Variants in TMEM14B observed in about 807,000 individuals in gnomAD.
The protein encoded by TMEM14B is transmembrane protein 14B.
Under a neutral mutation model 14.8 loss-of-function variants are expected in TMEM14B, and 9 were observed. That is an observed-to-expected ratio of 0.61 (90% CI 0.37 to 1.06). The LOEUF (loss-of-function observed/expected upper bound fraction) is 1.06. Ranked by LOEUF, TMEM14B falls within the 50% of genes least tolerant of loss-of-function variation. TMEM14B has a pLI of 0.01. For synonymous variants in TMEM14B, 40 were observed against 51.3 expected (o/e 0.78, Z 0.94); for missense variants, 128 against 143.6 (o/e 0.89, Z 0.56).
chr6:10,755,030 A>C (rs1771750712), intron 4 of TMEM14B, 112 bp from the exon 5 acceptor site: 1 of 1,134,832 alleles, frequency 8.8e-7, no homozygotes, highest in Non-Finnish European at 1.3e-6. Flanking sequence ...GGGAAGGAGG[A>C]ATAAGCATAG....
rs746535310 is a variant in TMEM14B, at chr6:10,751,171, A to G, written c.139A>G (p.Ser47Gly). Residue 47 changes from serine (S) to glycine (G), a missense_variant, in exon 4 of 6, where the codon AGT (serine) becomes GGT (glycine). Transcript: ENST00000379542. ...CCTGGCTGCAGGGCTGCTCTTCGGC[A>G]GTCTAGCCGGCCTGGGTGCTTACCA... ...PSLAAGLLFG[S>G]LAGLGAYQLY... 1.9e-6 allele frequency: 3 copies of G among 1,613,970 alleles called. No individual in the cohort carries two copies. The highest frequency in any genetic ancestry group is 2.2e-5 in the East Asian group (1 of 44,870).
At chr6:10,752,517 C>G (rs972561552) in intron 4 of TMEM14B, among the ~76,000 whole-genome samples, 1 of 135,284 alleles carries the variant, frequency 7.4e-6, no homozygotes, top group Non-Finnish European at 1.5e-5. Flanking sequence ...AGTGCAGTGG[C>G]GCGGTCTTGG....
intron 3 of TMEM14B, among the ~76,000 whole-genome samples, chr6:10,750,448 G>A (rs529241683): frequency 1.1e-5 from 1 of 93,904 alleles, no homozygotes; most frequent in Admixed American, 1.5e-4. Context: ...TGGGGGGGGG[G>A]TCTAGTTAAA....
At chr6:10,751,269 T>C (rs750544190) in intron 4 of TMEM14B, 35 bp downstream of exon 4, 3 of 1,610,486 alleles carry the variant, frequency 1.9e-6, no homozygotes, top group South Asian at 1.1e-5. Flanking sequence ...AGGGCAATCA[T>C]GTATCTGGAA....
downstream of TMEM14B, among the ~76,000 whole-genome samples, chr6:10,757,741 A>G (rs1348124443): frequency 1.3e-5 from 2 of 152,228 alleles, no homozygotes; most frequent in Admixed American, 1.3e-4. Flanking sequence ...CTGTAGTGCC[A>G]ACACTTTGGG....
intron 1 of TMEM14B, 69 bp from the exon 2 acceptor site, chr6:10,749,133 G>T: frequency 2.9e-6 from 3 of 1,043,968 alleles, no homozygotes; most frequent in South Asian, 1.3e-5. Context: ...CTGCAGGTTG[G>T]ACACACTTCT....
At chr6:10,749,792 T>A in intron 3 of TMEM14B, 94 bp downstream of exon 3, 1 of 1,487,540 alleles carries the variant, frequency 6.7e-7, no homozygotes, top group Non-Finnish European at 9.4e-7. Context: ...CTCGTTTGAC[T>A]CAGCTTTGCT....
At chr6:10,758,079 C>T (rs1039094252), downstream of TMEM14B, among the ~76,000 whole-genome samples, 2 of 152,012 alleles carry the variant, frequency 1.3e-5, no homozygotes, top group African/African-American at 4.8e-5. Context: ...TATGTATTTG[C>T]ATAAGCCCCT....
In TMEM14B at chr6:10,756,105, A is replaced by G. The variant is rs180883134; in HGVS notation, c.294-362A>G. Among the ~76,000 whole-genome samples, 578 of 152,330 alleles carry G rather than the reference A, an allele frequency of 3.8e-3. 3 individuals carry two copies. The highest frequency in any genetic ancestry group is 0.013 in the African/African-American group (527 of 41,576). Reference sequence around the variant, plus strand: ...TATAATATTTTATACCTGAAGCAAAAGAGTCAGTATGGAGCAAGGTCTAGA... The same window carrying G: ...TATAATATTTTATACCTGAAGCAAAGGAGTCAGTATGGAGCAAGGTCTAGA... On this transcript the variant is annotated intron_variant, in intron 5 of 5. Coordinates refer to ENST00000379542, the MANE Select transcript of TMEM14B (RefSeq NM_030969.5).
In TMEM14B at chr6:10,751,215, G is replaced by T; in HGVS notation, c.183G>T (p.Arg61Ser). The change falls in exon 4 of 6, where the codon AGG becomes AGT. Residue 61 changes from arginine (R) to serine (S), a missense_variant. By Grantham distance (110) the Arg-to-Ser change is moderately radical (BLOSUM62 -1). Transcript: ENST00000379542. ...CTTACCAGCTGTATCAGGATCCAAG[G>T]AACGTTTGGGGTTTCCTAGGTATGT... is the stretch of plus-strand genomic sequence containing the variant. ...LGAYQLYQDP[R>S]NVWGFLAATS... The T allele has an allele frequency of 6.2e-7, 1 of 1,613,906 alleles. No individual in the cohort carries two copies. The highest frequency in any genetic ancestry group is 8.5e-7 in the Non-Finnish European group (1 of 1,179,984).
intron 3 of TMEM14B, among the ~76,000 whole-genome samples, chr6:10,750,687 G>C (rs1207735706): frequency 6.6e-6 from 1 of 151,942 alleles, no homozygotes; most frequent in Non-Finnish European, 1.5e-5. Context: ...CACAAGTTAA[G>C]TCCTTGAGGA....
Position 10,749,219 on chromosome 6 carries a change from T to A in TMEM14B, c.-27T>A. On this transcript the variant is annotated 5_prime_UTR_variant, in exon 2 of 6. Coordinates refer to ENST00000379542, the MANE Select transcript of TMEM14B (RefSeq NM_030969.5). ...TTCCCCAGATGCAGGCCTGGGGTAG[T>A]CTCCTTTCTGGACTGAGAAGAGAAG... The A allele has an allele frequency of 6.2e-7, 1 of 1,613,992 alleles. No homozygotes were observed. The highest frequency in any genetic ancestry group is 8.5e-7 in the Non-Finnish European group (1 of 1,179,878).
intron 5 of TMEM14B, chr6:10,755,704 A>C (rs1171896066): frequency 9.8e-7 from 1 of 1,025,112 alleles, no homozygotes; most frequent in East Asian, 8.8e-5. Context: ...CCTGTAATCC[A>C]AGCACAGTGG....
At chr6:10,754,754 G>A (rs1164104518) in intron 4 of TMEM14B, among the ~76,000 whole-genome samples, 1 of 152,240 alleles carries the variant, frequency 6.6e-6, no homozygotes. Flanking sequence ...ACATGTAGTA[G>A]GTGCTTTGAC....
chr6:10,755,421 C>T, intron 5 of TMEM14B, 189 bp downstream of exon 5: 1 of 1,481,280 alleles, frequency 6.8e-7, no homozygotes, highest in South Asian at 1.4e-5. Context: ...ATGAGTATAT[C>T]CATTCACTGT....
downstream of TMEM14B, among the ~76,000 whole-genome samples, chr6:10,758,529 G>C (rs1771877968): frequency 6.6e-6 from 1 of 152,242 alleles, no homozygotes; most frequent in African/African-American, 2.4e-5. Context: ...TAAGGGTTGT[G>C]CTGGGTCCTA....
intron 2 of TMEM14B, 32 bp from the exon 3 acceptor site, chr6:10,749,580 AGGTTAGCACT>A: frequency 6.2e-7 from 1 of 1,608,168 alleles, no homozygotes; most frequent in Non-Finnish European, 8.5e-7. Context: ...TTTTAAATCC[AGGTTAGCACT>A]GACTTCTCAC....
chr6:10,751,265 A>T (rs556847009), intron 4 of TMEM14B, 31 bp downstream of exon 4: 1 of 1,609,654 alleles, frequency 6.2e-7, no homozygotes. Flanking sequence ...CCTTAGGGCA[A>T]TCATGTATCT....
At chr6:10,757,931 C>T (rs959417886), downstream of TMEM14B, among the ~76,000 whole-genome samples, 3 of 150,782 alleles carry the variant, frequency 2.0e-5, no homozygotes, top group African/African-American at 7.3e-5. Context: ...GCTGTGGTTG[C>T]AGCGAGCCGA....
Sources: gnomAD v4.1 joint callset for allele counts (sites outside exome capture counted in the v4.1 genomes callset) on GRCh38, gnomAD v4.1.1 for gene constraint, MANE v1.5 for transcripts, NCBI Gene and HGNC (gene_info 2026-07-23, HGNC 2026-07-21) for gene names.